B3GNT3: variants seen among roughly 807,000 people sequenced by gnomAD.
The protein encoded by B3GNT3 is N-acetyllactosaminide beta-1,3-N-acetylglucosaminyltransferase 3.
A neutral mutation model predicts 11.6 loss-of-function variants in B3GNT3; 7 were observed. That is an observed-to-expected ratio of 0.60 (90% CI 0.34 to 1.13). The LOEUF (loss-of-function observed/expected upper bound fraction) is 1.13. B3GNT3 is among the 50% of genes most tolerant of loss of function. The pLI is 0.03. For missense variants in B3GNT3, 400 were observed against 507.4 expected, an observed-to-expected ratio of 0.79 and a Z score of 2.03; for synonymous variants, 201 against 222.1, an observed-to-expected ratio of 0.90 and a Z score of 0.85.
At chr19:17,802,866 T>A (rs1406419597) in intron 1 of B3GNT3, among the ~76,000 whole-genome samples, 1 of 151,696 alleles carries the variant, frequency 6.6e-6, no homozygotes, top group Non-Finnish European at 1.5e-5. Flanking sequence ...TTTTTTTTAA[T>A]TTTTAGCACA....
At chr19:17,802,681 C>G (rs2094167746) in intron 1 of B3GNT3, among the ~76,000 whole-genome samples, 5 of 151,914 alleles carry the variant, frequency 3.3e-5, no homozygotes. Context: ...CAGGGCTGAG[C>G]TTGGGTGGTT....
chr19:17,799,585 A>C (rs899207298), intron 1 of B3GNT3, among the ~76,000 whole-genome samples: 2 of 151,750 alleles, frequency 1.3e-5, no homozygotes, highest in Non-Finnish European at 2.9e-5. Flanking sequence ...CCAGCTTTGC[A>C]GAGGAGGATG....
Position 17,809,411 on chromosome 19 carries a change from C to A in B3GNT3, c.567+1037C>A, listed in dbSNP as rs561030121. On this transcript the variant is annotated intron_variant, in intron 2 of 2. Transcript: ENST00000318683. ...CCACATAGCGAGACCTCATCTTTTTCAAAAAAAATTTAATTAATTAATTTT... is the reference window on the plus strand; with the variant it reads ...CCACATAGCGAGACCTCATCTTTTTAAAAAAAAATTTAATTAATTAATTTT... Among the ~76,000 whole-genome samples the A allele has an allele frequency of 1.9e-4, 28 of 150,296 alleles. No homozygotes were observed. The South Asian group carries it at 5.5e-3, about 29-fold the overall frequency.
chr19:17,797,943 G>A (rs1238317183), intron 1 of B3GNT3, among the ~76,000 whole-genome samples: 1 of 152,202 alleles, frequency 6.6e-6, no homozygotes, highest in Non-Finnish European at 1.5e-5. Context: ...ACCACCCACA[G>A]GGGCTGGCAG....
chr19:17,806,259 G>A (rs969959832), intron 1 of B3GNT3, among the ~76,000 whole-genome samples: 2 of 151,984 alleles, frequency 1.3e-5, no homozygotes, highest in Non-Finnish European at 2.9e-5. Context: ...GGGATTATGG[G>A]TGTGAGCCAC....
chr19:17,800,676 A>G (rs1479628472), intron 1 of B3GNT3, among the ~76,000 whole-genome samples: 1 of 151,844 alleles, frequency 6.6e-6, no homozygotes, highest in Non-Finnish European at 1.5e-5. Context: ...ATTCCTCATG[A>G]TACTATTAGG....
At chr19:17,803,529 C>T (rs906918516) in intron 1 of B3GNT3, among the ~76,000 whole-genome samples, 1 of 152,150 alleles carries the variant, frequency 6.6e-6, no homozygotes, top group African/African-American at 2.4e-5. Context: ...CAGGCAGGAC[C>T]GACTGGTCTG....
At chr19:17,797,255 G>A (rs1310935974) in intron 1 of B3GNT3, among the ~76,000 whole-genome samples, 1 of 152,148 alleles carries the variant, frequency 6.6e-6, no homozygotes, top group African/African-American at 2.4e-5. Flanking sequence ...ATCATTTATA[G>A]CATGTATCTT....
In B3GNT3 at chr19:17,812,013, A is replaced by G. The variant is rs1216789315; in HGVS notation, c.1010A>G (p.Tyr337Cys). The G allele has an allele frequency of 1.9e-6, 3 of 1,600,344 alleles. No individual in the cohort carries two copies. Among genetic ancestry groups the G allele is most frequent in the Non-Finnish European group, 1.7e-6 (2 of 1,179,904 alleles). Residue 337 changes from tyrosine to cysteine, a missense_variant, in exon 3 of 3, where the codon TAC becomes TGC. Tyr to Cys is a radical substitution (Grantham distance 194, BLOSUM62 -2). Coordinates refer to ENST00000318683, the MANE Select transcript of B3GNT3 (RefSeq NM_014256.4). ...CTGTCCTCCTTTGACCCCTGCTTCTACCGAGACCTGCTGCTGGTGCACCGC... is the reference window on the plus strand; with the variant it reads ...CTGTCCTCCTTTGACCCCTGCTTCTGCCGAGACCTGCTGCTGGTGCACCGC... ...QRLSSFDPCF[Y>C]RDLLLVHRFL...
intron 1 of B3GNT3, among the ~76,000 whole-genome samples, chr19:17,797,633 C>T (rs948546473): frequency 6.6e-6 from 1 of 152,048 alleles, no homozygotes. Context: ...GACAGAGCCT[C>T]GGGACCTAGA....
chr19:17,804,302 T>A (rs1423028517), intron 1 of B3GNT3, among the ~76,000 whole-genome samples: 2 of 149,394 alleles, frequency 1.3e-5, no homozygotes, highest in Non-Finnish European at 3.0e-5. Flanking sequence ...TACAATGGCT[T>A]GATCTTGGCT....
At chr19:17,809,996 T>C (rs2147654715) in intron 2 of B3GNT3, among the ~76,000 whole-genome samples, 1 of 152,240 alleles carries the variant, frequency 6.6e-6, no homozygotes, top group East Asian at 1.9e-4. Flanking sequence ...CAGTTTTCTC[T>C]GGAGAGCCTC....
chr19:17,811,422 C>A lies in B3GNT3; in HGVS notation c.568-149C>A, dbSNP rs988964726. ...TGAAACCAAGGCACAGAGAGGGTTT[C>A]CCAAGTAACCCCACAGGGCAGGGCC... On this transcript the variant is annotated intron_variant, in intron 2 of 2. Coordinates refer to ENST00000318683, the MANE Select transcript of B3GNT3 (RefSeq NM_014256.4). The surrounding 1 kb of genome is among the most constrained non-coding windows in gnomAD (Gnocchi z 4.1). 2.2e-5 allele frequency: 17 copies of A among 771,382 alleles called. No homozygotes were observed. Among genetic ancestry groups the A allele is most frequent in the Non-Finnish European group, 3.4e-5 (17 of 495,796 alleles). 47.8% of individuals were successfully genotyped at this position (771,382 alleles called of 1,614,324 possible).
chr19:17,796,215 C>T (rs1282073966), intron 1 of B3GNT3, among the ~76,000 whole-genome samples: 2 of 152,090 alleles, frequency 1.3e-5, no homozygotes, highest in African/African-American at 4.8e-5. Flanking sequence ...CTCAGCCTCC[C>T]GAGTAGCTGG....
Position 17,811,985 on chromosome 19 carries a change from C to T in B3GNT3, c.982C>T (p.Arg328Cys), listed in dbSNP as rs772128297. The T allele has an allele frequency of 6.9e-6, 11 of 1,605,056 alleles. No homozygotes were observed. The African/African-American group carries it at 1.1e-4, about 16-fold the overall frequency. The change falls in exon 3 of 3, where the codon CGC becomes TGC. Residue 328 changes from arginine to cysteine, a missense_variant. Arg to Cys is a radical substitution (Grantham distance 180). Transcript: ENST00000318683. This position sits in a 1 kb window ranked among gnomAD's most constrained non-coding sequence, Gnocchi z 4.1. ...RTSGVRAPSQRLSSFDPCFYR... is the reference protein window; with the variant it reads ...RTSGVRAPSQCLSSFDPCFYR... ...GTCTGGCGTGCGGGCTCCATCGCAA[C>T]GCCTGTCCTCCTTTGACCCCTGCTT...
chr19:17,811,860 C>G lies in B3GNT3; in HGVS notation c.857C>G (p.Ala286Gly). The change falls in exon 3 of 3, where the codon GCT (alanine) becomes GGT (glycine). Residue 286 changes from alanine to glycine, a missense_variant. Physicochemically the swap from Ala to Gly is moderately conservative, Grantham distance 60. Transcript: ENST00000318683. This position sits in a 1 kb window ranked among gnomAD's most constrained non-coding sequence, Gnocchi z 4.1. The stretch of plus-strand genomic sequence containing the variant: ...TTCACGGCCGCTGCCCTGCGCCGTG[C>G]TGCCCATGTCTTGGACATCTTCCCC... ...SRFTAAALRR[A>G]AHVLDIFPID... The G allele has an allele frequency of 6.2e-7, 1 of 1,614,186 alleles. No individual in the cohort carries two copies.
At chr19:17,810,220 G>T (rs1339614941) in intron 2 of B3GNT3, among the ~76,000 whole-genome samples, 3 of 152,132 alleles carry the variant, frequency 2.0e-5, no homozygotes. Flanking sequence ...GCTAGGCACA[G>T]TGGCTCATGC....
intron 1 of B3GNT3, among the ~76,000 whole-genome samples, chr19:17,806,164 A>G (rs1489633360): frequency 1.4e-5 from 2 of 141,792 alleles, no homozygotes; most frequent in Non-Finnish European, 3.1e-5. Context: ...TTTTTTTTGT[A>G]GAGAGTGGGT....
chr19:17,800,516 C>T (rs1044146407), intron 1 of B3GNT3, among the ~76,000 whole-genome samples: 3 of 152,176 alleles, frequency 2.0e-5, no homozygotes, highest in African/African-American at 7.2e-5. Flanking sequence ...CCAATGCCTA[C>T]GATTCTGCTG....
Sources: gnomAD v4.1 joint callset for allele counts (sites outside exome capture counted in the v4.1 genomes callset) on GRCh38, gnomAD v4.1.1 for gene constraint, Gnocchi (gnomAD v3.1) non-coding constraint, MANE v1.5 for transcripts, NCBI Gene and HGNC (gene_info 2026-07-23, HGNC 2026-07-21) for gene names.